PLXNB2: variants seen among roughly 807,000 people sequenced by gnomAD.
PLXNB2 encodes the protein plexin B2, also known as plexin-B2.
PLXNB2 carries 85 observed loss-of-function variants against 202.6 expected under a neutral mutation model. That is an observed-to-expected ratio of 0.42 (90% CI 0.35 to 0.50). The LOEUF is 0.50. PLXNB2 is among the 20% of genes least tolerant of loss of function. PLXNB2 has a pLI of 0.02. For synonymous variants in PLXNB2, 1,239 were observed against 1,137.6 expected (o/e 1.09, Z -1.79); for missense variants, 2,063 against 2,586.2 (o/e 0.80, Z 4.39).
At position 50,280,026 on chromosome 22, in the gene PLXNB2, G is replaced by A. The variant is rs1162408699; in HGVS notation, c.4221C>T (p.Ile1407=). 2.5e-6 allele frequency: 4 copies of A among 1,610,366 alleles called. No individual in the cohort carries two copies. Among genetic ancestry groups the A allele is most frequent in the Admixed American group, 3.4e-5 (2 of 59,540 alleles). The part of the protein sequence containing the change: ...VERMLSNWMS[I]CLYQYLKDSA... ...CCACCTTGAGGTACTGGTACAGGCA[G>A]ATGGACATCCAGTTGGACAGCATCC... Residue 1407 remains isoleucine, a synonymous_variant, in exon 26 of 37, where the codon ATC becomes ATT. Coordinates refer to ENST00000359337, the MANE Select transcript of PLXNB2 (RefSeq NM_012401.4).
chr22:50,280,539 C>T lies in PLXNB2; in HGVS notation c.4125G>A (p.Glu1375=), dbSNP rs772435940. The change falls in exon 25 of 37, where the codon GAG becomes GAA. Residue 1375 remains glutamate, a synonymous_variant. Coordinates refer to ENST00000359337, the MANE Select transcript of PLXNB2 (RefSeq NM_012401.4). ...YTDIMHTLFL[E]LLEQYVVAKN... Reference sequence around the variant, plus strand: ...TGGCCACCACGTACTGCTCCAGGAGCTCCAGGAAGAGCGTGTGCATGATGT... The same window carrying T: ...TGGCCACCACGTACTGCTCCAGGAGTTCCAGGAAGAGCGTGTGCATGATGT... 4 of 1,611,892 alleles carry T rather than the reference C, an allele frequency of 2.5e-6. No individual in the cohort carries two copies. The highest frequency in any genetic ancestry group is 1.7e-5 in the Admixed American group (1 of 60,026).
intron 1 of PLXNB2, among the ~76,000 whole-genome samples, chr22:50,307,056 G>A (rs944841808): frequency 1.3e-5 from 2 of 152,222 alleles, no homozygotes; most frequent in African/African-American, 4.8e-5. Flanking sequence ...GAACCGCGAG[G>A]AGGCCCAGGC....
intron 1 of PLXNB2, chr22:50,301,297 C>G: frequency 4.5e-6 from 3 of 665,402 alleles, no homozygotes; most frequent in Non-Finnish European, 5.6e-6. Context: ...CCCCCTCTTG[C>G]TACACCGTGG....
In PLXNB2 at chr22:50,284,872, C is replaced by T. The variant is rs748227957; in HGVS notation, c.2089-207G>A. On this transcript the variant is annotated intron_variant, in intron 11 of 36. Coordinates refer to ENST00000359337, the MANE Select transcript of PLXNB2 (RefSeq NM_012401.4). This position sits in a 1 kb window ranked among gnomAD's most constrained non-coding sequence, Gnocchi z 8.0. ...GTGTCTGCAGAAGCCTCTGAACGTC[C>T]TCTGTGGGTTTCCCACGGCCACCTC... is the stretch of plus-strand genomic sequence containing the variant. 8.7e-6 allele frequency: 6 copies of T among 690,062 alleles called. No individual in the cohort carries two copies. In the East Asian group the frequency reaches 1.1e-4, roughly 13 times the overall value. The allele number at this position is 690,062 out of a possible 1,614,324, so 42.7% of individuals were successfully genotyped here.
intron 8 of PLXNB2, among the ~76,000 whole-genome samples, chr22:50,286,904 G>A (rs1054614055): frequency 5.9e-5 from 9 of 152,188 alleles, no homozygotes; most frequent in African/African-American, 9.7e-5. Context: ...CCTGGGGGGC[G>A]TGGCTGCGGA....
chr22:50,279,815 C>T (rs2147352641), intron 26 of PLXNB2, 39 bp from the exon 27 acceptor site: 1 of 1,611,588 alleles, frequency 6.2e-7, no homozygotes, highest in East Asian at 2.2e-5. Flanking sequence ...GGTCAGGGGA[C>T]TTGGGGCCTG....
At chr22:50,296,242 CA>C (rs1174379385) in intron 1 of PLXNB2, among the ~76,000 whole-genome samples, 13 of 110,922 alleles carry the variant, frequency 1.2e-4, no homozygotes, top group African/African-American at 4.9e-4. Context: ...TAAAAAAGTT[CA>C]AGGAACTTGA....
Position 50,279,703 on chromosome 22 carries a change from G to A in PLXNB2, c.4316C>T (p.Ala1439Val), listed in dbSNP as rs1410388747. 2.5e-6 allele frequency: 4 copies of A among 1,613,718 alleles called. No homozygotes were observed. The highest frequency in any genetic ancestry group is 4.5e-5 in the East Asian group (2 of 44,878). ...AGTGTACTTGGCCTTCTTCTGTACCGCATCCACCGGGCCCTTTTCCACCTG... is the reference window on the plus strand; with the variant it reads ...AGTGTACTTGGCCTTCTTCTGTACCACATCCACCGGGCCCTTTTCCACCTG... ...KHQVEKGPVD[A>V]VQKKAKYTLN... Residue 1439 changes from alanine to valine, a missense_variant, in exon 27 of 37, where the codon GCG becomes GTG. Around this residue, in one of 2 missense-constraint regions of PLXNB2, gnomAD observed 760 missense variants for 1,109.4 expected, o/e 0.69. Transcript: ENST00000359337.
intron 1 of PLXNB2, among the ~76,000 whole-genome samples, chr22:50,306,913 G>A (rs2067904139): frequency 6.6e-6 from 1 of 152,246 alleles, no homozygotes; most frequent in Admixed American, 6.5e-5. Flanking sequence ...CCCGACCAGG[G>A]GCGCTGGCAG....
chr22:50,298,826 A>G (rs544357299), intron 1 of PLXNB2, among the ~76,000 whole-genome samples: 1 of 152,326 alleles, frequency 6.6e-6, no homozygotes, highest in African/African-American at 2.4e-5. Flanking sequence ...TCTGTATTTC[A>G]GTAGAGATGG....
rs1448018649 is a variant in PLXNB2, at chr22:50,288,300, G to A, written c.1381-263C>T. ...CCTGTCCTCTACACTGGCTCCCTCC[G>A]AGGGGTGCTCCTAGGGCTGGCCTGA... On this transcript the variant is annotated intron_variant, in intron 5 of 36. Coordinates refer to ENST00000359337, the MANE Select transcript of PLXNB2 (RefSeq NM_012401.4). This position sits in a 1 kb window ranked among gnomAD's most constrained non-coding sequence, Gnocchi z 5.0. Among the ~76,000 whole-genome samples the A allele has an allele frequency of 1.3e-5, 2 of 152,076 alleles. No individual in the cohort carries two copies. The highest frequency in any genetic ancestry group is 2.9e-5 in the Non-Finnish European group (2 of 67,990).
rs1269968082 is a variant in PLXNB2, at chr22:50,292,969, C to T, written c.-14+1750G>A. ...TCAGCTGCTGCCCAACCCCTGGAGC[C>T]CCCCAGGTGCCCACGAGCACAGCAG... On this transcript the variant is annotated intron_variant, in intron 2 of 36. Transcript: ENST00000359337. Among the ~76,000 whole-genome samples the T allele has an allele frequency of 4.9e-5, 3 of 61,466 alleles. No individual in the cohort carries two copies. The African/African-American group carries it at 5.8e-4, about 12-fold the overall frequency. The allele number at this position is 61,466 out of a possible 152,430, so 40.3% of individuals were successfully genotyped here. A position where few individuals can be genotyped will look rare whatever the true frequency, so the allele number is the denominator to read the frequency against.
At chr22:50,294,083 C>T (rs369842882) in intron 2 of PLXNB2, among the ~76,000 whole-genome samples, 1 of 152,232 alleles carries the variant, frequency 6.6e-6, no homozygotes, top group African/African-American at 2.4e-5. Context: ...AAAGCTCCGG[C>T]GGCGCAGGAG....
intron 1 of PLXNB2, among the ~76,000 whole-genome samples, chr22:50,303,572 G>A (rs529655855): frequency 2.0e-5 from 3 of 152,256 alleles, no homozygotes; most frequent in South Asian, 4.1e-4. Flanking sequence ...TCAGGGGGCC[G>A]TGTTCACACA....
In PLXNB2 at chr22:50,282,172, G is replaced by C; in HGVS notation, c.3117+12C>G. 1 of 1,608,008 alleles carries C rather than the reference G, an allele frequency of 6.2e-7. No homozygotes were observed. Among genetic ancestry groups the C allele is most frequent in the Non-Finnish European group, 8.5e-7 (1 of 1,178,300 alleles). On this transcript the variant is annotated intron_variant, in intron 19 of 36. Transcript: ENST00000359337. ...GGGCCGGTGCCAGAGCTGAGCCCAC[G>C]CCAGGACTGACCGTCATGGGCTGCA...
rs747962835 is a variant in PLXNB2, at chr22:50,283,887, C to A, written c.2367G>T (p.Val789=). The A allele has an allele frequency of 6.2e-6, 10 of 1,601,100 alleles. No homozygotes were observed. The highest frequency in any genetic ancestry group is 8.5e-6 in the Non-Finnish European group (10 of 1,174,558). The part of the protein sequence containing the change: ...CAWCGGQSRC[V]YEALCNTTSE... ...AGGTGGTGTTGCACAGGGCCTCATA[C>A]ACGCACCTGCTCTGGCCCCCGCACC... Residue 789 remains valine (V), a synonymous_variant, in exon 14 of 37, where the codon GTG becomes GTT. Coordinates refer to ENST00000359337, the MANE Select transcript of PLXNB2 (RefSeq NM_012401.4).
intron 16 of PLXNB2, 64 bp downstream of exon 16, chr22:50,283,273 G>A (rs535217717): frequency 1.3e-5 from 21 of 1,606,650 alleles, no homozygotes; most frequent in African/African-American, 5.3e-5. Flanking sequence ...GTGGGGAGGC[G>A]GCGGGCAGAG....
rs73891205 is a variant in PLXNB2 at position 50,275,821 on chromosome 22, C to T, written c.5413-13G>A. 11,552 of 1,608,064 alleles carry T rather than the reference C, an allele frequency of 7.2e-3. 733 individuals are homozygous for T. The African/African-American group carries it at 0.14, about 19-fold the overall frequency. ...AGGCATTGATGATCTGAGGGAGGGT[C>T]GCATCAGAGCACACCGGGGGACCGC... On this transcript the variant is annotated splice_polypyrimidine_tract_variant and intron_variant, in intron 36 of 36. Coordinates refer to ENST00000359337, the MANE Select transcript of PLXNB2 (RefSeq NM_012401.4).
At position 50,282,326 on chromosome 22, in the gene PLXNB2, G is replaced by C. The variant is rs774725672; in HGVS notation, c.2988-13C>G. Reference sequence around the variant, plus strand: ...GCTGCGGCCACCACTGCGGAGGGCAGTGCCTTCGTGGGCTCGGCTGGCAGG... The same window carrying C: ...GCTGCGGCCACCACTGCGGAGGGCACTGCCTTCGTGGGCTCGGCTGGCAGG... On this transcript the variant is annotated splice_polypyrimidine_tract_variant and intron_variant, in intron 18 of 36. Coordinates refer to ENST00000359337, the MANE Select transcript of PLXNB2 (RefSeq NM_012401.4). 1 of 1,582,036 alleles carries C rather than the reference G, an allele frequency of 6.3e-7. No homozygotes were observed. Among genetic ancestry groups the C allele is most frequent in the African/African-American group, 1.4e-5 (1 of 73,758 alleles).
Sources: gnomAD v4.1 joint callset for allele counts (sites outside exome capture counted in the v4.1 genomes callset) on GRCh38, gnomAD v4.1.1 for gene constraint, gnomAD v4.1.1 regional missense constraint, Gnocchi (gnomAD v3.1) non-coding constraint, MANE v1.5 for transcripts, NCBI Gene and HGNC (gene_info 2026-07-23, HGNC 2026-07-21) for gene names.